Variants in PUDP observed in about 807,000 individuals in gnomAD.
PUDP encodes pseudouridine 5'-phosphatase, also known as pseudouridine-5'-phosphatase.
Under a neutral mutation model 9.4 loss-of-function variants are expected in PUDP, and 8 were observed. That is an observed-to-expected ratio of 0.85 (90% CI 0.50 to 1.53). The LOEUF is 1.53. Ranked by LOEUF, PUDP falls within the 40% of genes most tolerant of loss-of-function variation. PUDP has a pLI of 0.00. For synonymous variants in PUDP, 99 were observed against 80.7 expected (o/e 1.23, Z -1.22); for missense variants, 188 against 189.7 (o/e 0.99, Z 0.05).
chrX:7,145,499 ACT>A (rs1358083561), intron 1 of PUDP, among the ~76,000 whole-genome samples: 3 of 110,132 alleles, frequency 2.7e-5, no homozygotes, highest in Admixed American at 9.7e-5. Flanking sequence ...CCACTCCCCT[ACT>A]CTCTTTCTCT....
At chrX:6,814,130 C>T (rs1039080385) in intron 3 of PUDP, among the ~76,000 whole-genome samples, 5 of 111,265 alleles carry the variant, frequency 4.5e-5, no homozygotes, top group Middle Eastern at 4.6e-3. Flanking sequence ...ACTTAACAAC[C>T]TGAAAACATC....
At chrX:6,872,696 T>TA (rs199625491) in intron 3 of PUDP, among the ~76,000 whole-genome samples, 1,860 of 63,795 alleles carry the variant, frequency 0.029, 56 homozygotes, top group African/African-American at 0.079. Context: ...AAGATTCCAT[T>TA]AAAAAAAAAA....
chrX:6,901,519 C>A (rs1266742504), intron 3 of PUDP, among the ~76,000 whole-genome samples: 1 of 112,396 alleles, frequency 8.9e-6, no homozygotes, highest in Admixed American at 9.4e-5. Context: ...ACAAACCCAG[C>A]CTTTCCACTT....
At chrX:6,972,903 C>T (rs984655920) in intron 3 of PUDP, among the ~76,000 whole-genome samples, 4 of 111,516 alleles carry the variant, frequency 3.6e-5, no homozygotes, top group Non-Finnish European at 7.5e-5. Context: ...TTGGCCTATT[C>T]GGGGATTCGA....
chrX:7,045,277 A>G (rs1209715184), downstream of PUDP, among the ~76,000 whole-genome samples: 1 of 112,849 alleles, frequency 8.9e-6, no homozygotes, highest in Non-Finnish European at 1.9e-5. Flanking sequence ...CTGTGAGTCA[A>G]TTAAACCTCT....
intron 3 of PUDP, among the ~76,000 whole-genome samples, chrX:6,817,673 G>A (rs192422070): frequency 4.5e-5 from 5 of 111,336 alleles, no homozygotes; most frequent in Admixed American, 9.6e-5. Flanking sequence ...ATACATTTTT[G>A]AAGGCCGCCT....
intron 2 of PUDP, among the ~76,000 whole-genome samples, chrX:7,084,440 A>G (rs979697118): frequency 8.9e-6 from 1 of 112,125 alleles, no homozygotes; most frequent in Non-Finnish European, 1.9e-5. Context: ...ACATGTGTGC[A>G]GCATGGAATA....
intron 3 of PUDP, among the ~76,000 whole-genome samples, chrX:6,957,957 T>C (rs779128342): frequency 3.6e-5 from 4 of 111,946 alleles, no homozygotes; most frequent in Admixed American, 1.9e-4. Flanking sequence ...TTGACCAACA[T>C]GGTTGTTTGA....
chrX:6,972,055 G>A (rs183380970), intron 3 of PUDP, among the ~76,000 whole-genome samples: 16 of 112,035 alleles, frequency 1.4e-4, no homozygotes, highest in Non-Finnish European at 2.6e-4. Flanking sequence ...ATTTTTGCAC[G>A]TTGATTTTGT....
At chrX:7,104,833 AACAT>A (rs1931833570) in intron 2 of PUDP, among the ~76,000 whole-genome samples, 1 of 112,250 alleles carries the variant, frequency 8.9e-6, no homozygotes, top group Non-Finnish European at 1.9e-5. Context: ...TATAAATAAT[AACAT>A]ACATTTCAAA....
intron 1 of PUDP, among the ~76,000 whole-genome samples, chrX:7,137,237 A>C (rs778400765): frequency 1.0e-5 from 1 of 97,565 alleles, no homozygotes; most frequent in Non-Finnish European, 2.1e-5. Flanking sequence ...GCGAGACTCC[A>C]TCTCAAAAAA....
intron 3 of PUDP, among the ~76,000 whole-genome samples, chrX:6,774,247 G>A (rs1184924755): frequency 8.9e-6 from 1 of 112,113 alleles, no homozygotes; most frequent in Non-Finnish European, 1.9e-5. Context: ...CTGTAACATT[G>A]CTTCTTCAAT....
intron 3 of PUDP, among the ~76,000 whole-genome samples, chrX:6,809,661 T>A (rs753347564): frequency 2.3e-4 from 26 of 111,030 alleles, no homozygotes; most frequent in Non-Finnish European, 4.5e-4. Flanking sequence ...AAAATTAATG[T>A]ATCATAGAAC....
chrX:7,132,697 A>G (rs1932651702), intron 1 of PUDP, among the ~76,000 whole-genome samples: 2 of 112,070 alleles, frequency 1.8e-5, no homozygotes, highest in African/African-American at 3.2e-5. Context: ...GAAAGTACTT[A>G]AGGGCCAGTT....
chrX:6,765,426 A>G (rs1384160864), intron 3 of PUDP, among the ~76,000 whole-genome samples: 1 of 112,465 alleles, frequency 8.9e-6, no homozygotes, highest in African/African-American at 3.2e-5. Flanking sequence ...ACTGAGCAAT[A>G]TAAAATTAGA....
chrX:7,070,218 G>T (rs952603440), intron 3 of PUDP, among the ~76,000 whole-genome samples: 3 of 112,546 alleles, frequency 2.7e-5, no homozygotes, highest in Non-Finnish European at 5.6e-5. Context: ...TGAAAGAAAA[G>T]AAGTGTAAGG....
chrX:7,092,739 T>A (rs1348287829), intron 2 of PUDP, among the ~76,000 whole-genome samples: 14 of 111,978 alleles, frequency 1.3e-4, no homozygotes, highest in South Asian at 7.6e-4. Flanking sequence ...AACCTGCCCA[T>A]GACACTGGGC....
At chrX:6,753,106 C>T (rs1454780303) in intron 3 of PUDP, among the ~76,000 whole-genome samples, 1 of 110,735 alleles carries the variant, frequency 9.0e-6, no homozygotes, top group East Asian at 2.9e-4. Context: ...TATTTGTGGT[C>T]TTTCATCTCT....
chrX:6,777,133 C>T (rs6654824), intron 3 of PUDP, among the ~76,000 whole-genome samples: 53,127 of 110,652 alleles, frequency 0.48, 9,883 homozygotes, highest in Non-Finnish European at 0.59. Context: ...GTTAATTTTT[C>T]TCTCAATCCA....
Sources: gnomAD v4.1 joint callset for allele counts (sites outside exome capture counted in the v4.1 genomes callset) on GRCh38, gnomAD v4.1.1 for gene constraint, MANE v1.5 for transcripts, NCBI Gene and HGNC (gene_info 2026-07-23, HGNC 2026-07-21) for gene names.